MME: variants seen among roughly 807,000 people sequenced by gnomAD.
MME encodes the protein neprilysin.
Under a neutral mutation model 113.2 loss-of-function variants are expected in MME, and 98 were observed. The observed-to-expected ratio is 0.87, with a 90% CI of 0.74 to 1.02. The LOEUF (loss-of-function observed/expected upper bound fraction) is 1.02, where lower values mean the gene tolerates loss of function less well. Among genes scored for constraint, MME ranks in the 50% least tolerant of loss-of-function variants. MME has a pLI of 0.00. For synonymous variants in MME, 292 were observed against 300.6 expected, an observed-to-expected ratio of 0.97 and a Z score of 0.30; for missense variants, 836 against 896.0, an observed-to-expected ratio of 0.93 and a Z score of 0.86.
At chr3:155,119,770 T>C (rs1718962564) in intron 8 of MME, among the ~76,000 whole-genome samples, 1 of 143,294 alleles carries the variant, frequency 7.0e-6, no homozygotes, top group Non-Finnish European at 1.5e-5. Flanking sequence ...CTGCATAGTA[T>C]TCCATGGTGT....
At chr3:155,111,064 G>C (rs779714931) in intron 3 of MME, among the ~76,000 whole-genome samples, 1 of 152,200 alleles carries the variant, frequency 6.6e-6, no homozygotes, top group Non-Finnish European at 1.5e-5. Context: ...TGGCTATGTG[G>C]AGAGGTTGAG....
chr3:155,133,189 T>C (rs1720307518), intron 8 of MME, among the ~76,000 whole-genome samples: 1 of 151,162 alleles, frequency 6.6e-6, no homozygotes, highest in Non-Finnish European at 1.5e-5. Flanking sequence ...TCACATCTCG[T>C]ACAATGGATT....
intron 1 of MME, among the ~76,000 whole-genome samples, chr3:155,068,058 A>G (rs1284113662): frequency 2.0e-5 from 3 of 152,240 alleles, no homozygotes; most frequent in Non-Finnish European, 4.4e-5. Flanking sequence ...TTGATAAACA[A>G]ACTAAGGGAT....
intron 1 of MME, among the ~76,000 whole-genome samples, chr3:155,032,320 C>T (rs1712998642): frequency 6.6e-6 from 1 of 152,190 alleles, no homozygotes; most frequent in Non-Finnish European, 1.5e-5. Flanking sequence ...AATTATTTCA[C>T]TTTTTGTTTT....
intron 22 of MME, among the ~76,000 whole-genome samples, chr3:155,177,028 G>A (rs972197351): frequency 2.0e-5 from 3 of 151,894 alleles, no homozygotes; most frequent in East Asian, 1.9e-4. Flanking sequence ...CACTCTCTGC[G>A]GTGTTATCTG....
chr3:155,169,865 A>T (rs1262982078), intron 20 of MME, among the ~76,000 whole-genome samples: 1 of 152,144 alleles, frequency 6.6e-6, no homozygotes, highest in Non-Finnish European at 1.5e-5. Context: ...AAGTGGAGAA[A>T]GAGGTGACTG....
At chr3:155,086,995 GTTTTTTTTTGT>G (rs1398487033) in intron 3 of MME, among the ~76,000 whole-genome samples, 81 of 65,490 alleles carry the variant, frequency 1.2e-3, no homozygotes, top group Middle Eastern at 0.016. Context: ...TGTTTTTTTT[GTTTTTTTTTGT>G]TTTTTTTTTT....
At chr3:155,052,835 A>G (rs547484492) in intron 1 of MME, among the ~76,000 whole-genome samples, 1 of 152,304 alleles carries the variant, frequency 6.6e-6, no homozygotes, top group South Asian at 2.1e-4. Context: ...TTCCTTTTCT[A>G]TTGTATCATC....
At chr3:155,097,559 G>T (rs1461897018) in intron 3 of MME, among the ~76,000 whole-genome samples, 1 of 152,110 alleles carries the variant, frequency 6.6e-6, no homozygotes, top group African/African-American at 2.4e-5. Flanking sequence ...GATGGATTTT[G>T]TCCAGAGGAA....
Position 155,172,607 on chromosome 3 carries a change from T to C in MME, c.2148T>C (p.Asn716=), listed in dbSNP as rs199649953. The C allele has an allele frequency of 1.6e-5, 25 of 1,611,136 alleles. No individual in the cohort carries two copies. The highest frequency in any genetic ancestry group is 2.0e-5 in the Non-Finnish European group (24 of 1,177,604). Residue 716 remains asparagine (N), a synonymous_variant, in exon 22 of 23, where the codon AAT becomes AAC. Transcript: ENST00000360490. ...SIKTDVHSPG[N]FRIIGTLQNS... ...AAACAGATGTGCACAGTCCAGGCAA[T>C]TTCAGGTGCGTGGATATGAACAGCA...
intron 16 of MME, among the ~76,000 whole-genome samples, chr3:155,155,226 G>T (rs1321073414): frequency 6.6e-6 from 1 of 152,092 alleles, no homozygotes; most frequent in East Asian, 1.9e-4. Context: ...TAATTTAAAG[G>T]CTGAAATTTT....
chr3:155,179,959 A>G (rs1712920242), intron 22 of MME, among the ~76,000 whole-genome samples: 1 of 152,208 alleles, frequency 6.6e-6, no homozygotes, highest in Admixed American at 6.5e-5. Context: ...TTCTTTGACC[A>G]AACTCTTATT....
At chr3:155,091,297 G>T (rs1716276165) in intron 3 of MME, among the ~76,000 whole-genome samples, 2 of 152,096 alleles carry the variant, frequency 1.3e-5, no homozygotes, top group South Asian at 4.1e-4. Flanking sequence ...TCCAAGAAAG[G>T]GAATCAGTTA....
chr3:155,085,141 T>C (rs1715561750), intron 3 of MME, 47 bp downstream of exon 3: 1 of 1,195,994 alleles, frequency 8.4e-7, no homozygotes, highest in East Asian at 2.4e-5. Context: ...TGATGTATAA[T>C]ATTTAAAATT....
chr3:155,172,568 G>A lies in MME; in HGVS notation c.2109G>A (p.Ala703=), dbSNP rs201186384. The change falls in exon 22 of 23, where the codon GCG becomes GCA. Residue 703 remains alanine (A), a synonymous_variant. Transcript: ENST00000360490. ...GTGGAACCTATAGGCCAGAGTATGC[G>A]GTTAACTCCATTAAAACAGATGTGC... The part of the protein sequence containing the change: ...VWCGTYRPEY[A]VNSIKTDVHS... 25 of 1,612,806 alleles carry A rather than the reference G, an allele frequency of 1.6e-5. No individual in the cohort carries two copies. The highest frequency in any genetic ancestry group is 3.3e-4 in the Middle Eastern group (2 of 6,078).
chr3:155,041,994 A>T (rs547002006), intron 1 of MME, among the ~76,000 whole-genome samples: 2 of 152,198 alleles, frequency 1.3e-5, no homozygotes, highest in Admixed American at 1.3e-4. Flanking sequence ...CTTTCTTGAG[A>T]TCGAACTTTG....
chr3:155,099,227 C>T (rs1716998924), intron 3 of MME, among the ~76,000 whole-genome samples: 1 of 152,110 alleles, frequency 6.6e-6, no homozygotes, highest in African/African-American at 2.4e-5. Flanking sequence ...GGAGGGCCAC[C>T]TGTCTGGCAT....
At chr3:155,144,540 A>G (rs1721365937) in intron 14 of MME, 83 bp downstream of exon 14, 6 of 852,866 alleles carry the variant, frequency 7.0e-6, no homozygotes, top group African/African-American at 1.7e-5. Context: ...AGAAAAAAAT[A>G]TAATCAAAGA....
intron 1 of MME, among the ~76,000 whole-genome samples, chr3:155,043,261 C>T (rs1048699596): frequency 2.7e-5 from 4 of 150,860 alleles, no homozygotes; most frequent in African/African-American, 7.3e-5. Flanking sequence ...TAGTATTAGA[C>T]AGAAATCAAC....
Sources: gnomAD v4.1 joint callset for allele counts (sites outside exome capture counted in the v4.1 genomes callset) on GRCh38, gnomAD v4.1.1 for gene constraint, MANE v1.5 for transcripts, NCBI Gene and HGNC (gene_info 2026-07-23, HGNC 2026-07-21) for gene names.